The following CFAP46 variants were observed in gnomAD, a reference collection of about 807,000 sequenced individuals.
The protein encoded by CFAP46 is cilia and flagella associated protein 46, also known as cilia- and flagella-associated protein 46.
CFAP46 carries 245 observed loss-of-function variants against 325.7 expected under a neutral mutation model. That is an observed-to-expected ratio of 0.75 (90% CI 0.68 to 0.84). The LOEUF (loss-of-function observed/expected upper bound fraction) is 0.84. Ranked by LOEUF, CFAP46 falls within the 40% of genes least tolerant of loss-of-function variation. The pLI, the probability that CFAP46 is intolerant of heterozygous loss-of-function variation, is 0.00. For synonymous variants in CFAP46, 1,523 were observed against 1,495.9 expected (o/e 1.02, Z -0.42); for missense variants, 3,346 against 3,543.0 (o/e 0.94, Z 1.41).
At chr10:132,864,032 AGAGACCTGCACACACCTGTCCCCCTGCCT>A (rs1222572581) in intron 35 of CFAP46, among the ~76,000 whole-genome samples, 4 of 113,040 alleles carry the variant, frequency 3.5e-5, no homozygotes, top group African/African-American at 1.0e-4. Context: ...TCCTGCTATT[AGAGACCTGCACACACCTGTCCCCCTGCCT>A]GAGACCTGCA....
chr10:132,850,113 A>G (rs1167720282), intron 41 of CFAP46, 131 bp downstream of exon 41: 1 of 916,940 alleles, frequency 1.1e-6, no homozygotes, highest in Non-Finnish European at 1.7e-6. Flanking sequence ...CCTCACGCCT[A>G]CTTCCTACAT....
chr10:132,940,881 C>T, intron 4 of CFAP46, 115 bp downstream of exon 4: 2 of 1,032,656 alleles, frequency 1.9e-6, no homozygotes, highest in South Asian at 1.4e-5. Context: ...ATGAAAATCA[C>T]AGACCACAAA....
At chr10:132,881,113 C>A in intron 27 of CFAP46, 81 bp from the exon 28 acceptor site, 2 of 1,297,990 alleles carry the variant, frequency 1.5e-6, no homozygotes, top group South Asian at 2.7e-5. Context: ...TTTTATTGCT[C>A]ATTTTCTACA....
intron 29 of CFAP46, among the ~76,000 whole-genome samples, chr10:132,879,114 G>A (rs1239066689): frequency 1.3e-5 from 2 of 152,208 alleles, no homozygotes; most frequent in African/African-American, 4.8e-5. Flanking sequence ...TGCCAGGGCG[G>A]GTGTCAGGGA....
intron 3 of CFAP46, 33 bp downstream of exon 3, chr10:132,941,558 T>C: frequency 6.3e-7 from 1 of 1,595,480 alleles, no homozygotes; most frequent in South Asian, 1.1e-5. Context: ...AAAATTGAAC[T>C]GTTGGGGATA....
chr10:132,909,040 A>G, intron 21 of CFAP46, 97 bp downstream of exon 21: 1 of 832,734 alleles, frequency 1.2e-6, no homozygotes, highest in Non-Finnish European at 1.9e-6. Context: ...GGGGGTGAGC[A>G]TGCACGATGG....
intron 40 of CFAP46, 72 bp from the exon 41 acceptor site, chr10:132,850,504 A>AGCCC: frequency 1.4e-6 from 2 of 1,412,980 alleles, no homozygotes; most frequent in Non-Finnish European, 1.9e-6. Context: ...GGACCCAGTG[A>AGCCC]GCCCGCCCTC....
At chr10:132,942,343 T>G in intron 1 of CFAP46, 93 bp downstream of exon 1, 1 of 953,052 alleles carries the variant, frequency 1.0e-6, no homozygotes, top group Non-Finnish European at 1.4e-6. Flanking sequence ...TTGGGCGGGC[T>G]GGGATGAGAG....
intron 18 of CFAP46, 32 bp downstream of exon 18, chr10:132,913,014 C>T (rs909286296): frequency 8.4e-6 from 13 of 1,543,294 alleles, no homozygotes; most frequent in Non-Finnish European, 1.1e-5. Context: ...AGAAGCCCCT[C>T]CCTGCGTGAA....
intron 32 of CFAP46, among the ~76,000 whole-genome samples, chr10:132,870,852 G>A (rs941591622): frequency 1.3e-5 from 2 of 152,182 alleles, no homozygotes; most frequent in East Asian, 1.9e-4. Flanking sequence ...TGGTGGCTAC[G>A]CTAAACAACA....
chr10:132,941,894 G>A, intron 2 of CFAP46, 86 bp downstream of exon 2: 3 of 1,526,026 alleles, frequency 2.0e-6, no homozygotes, highest in Non-Finnish European at 2.6e-6. Context: ...CCTCTCCCCA[G>A]CCCCACTCTG....
chr10:132,886,058 A>T lies in CFAP46; in HGVS notation c.3305-99T>A. The T allele has an allele frequency of 6.9e-7, 1 of 1,447,474 alleles. No homozygotes were observed. Among genetic ancestry groups the T allele is most frequent in the Non-Finnish European group, 9.3e-7 (1 of 1,072,224 alleles). The allele number at this position is 1,447,474 out of a possible 1,614,324, so 89.7% of individuals were successfully genotyped here. On this transcript the variant is annotated intron_variant, in intron 25 of 57. Coordinates refer to ENST00000368586, the MANE Select transcript of CFAP46 (RefSeq NM_001200049.3). The surrounding 1 kb of genome is among the most constrained non-coding windows in gnomAD (Gnocchi z 5.8). ...TAAGCTGCCCATCACAGTGCCCCTG[A>T]GGTGGAACCGCGGCTACAGAGGTGC...
chr10:132,831,850 C>G (rs944624173), intron 50 of CFAP46, among the ~76,000 whole-genome samples: 1 of 151,678 alleles, frequency 6.6e-6, no homozygotes, highest in Non-Finnish European at 1.5e-5. Flanking sequence ...TTTATGATTC[C>G]ATTTCATCTT....
intron 35 of CFAP46, among the ~76,000 whole-genome samples, chr10:132,861,683 G>T (rs1848723012): frequency 6.6e-6 from 1 of 152,224 alleles, no homozygotes; most frequent in Non-Finnish European, 1.5e-5. Context: ...GGAGAGGACG[G>T]GAGCGGTGGC....
chr10:132,927,469 C>A (rs145139198), intron 9 of CFAP46, among the ~76,000 whole-genome samples: 1 of 152,136 alleles, frequency 6.6e-6, no homozygotes, highest in African/African-American at 2.4e-5. Flanking sequence ...CGCAGCACCT[C>A]GGGATGGCTG....
At chr10:132,892,177 G>A (rs1849262716) in intron 25 of CFAP46, among the ~76,000 whole-genome samples, 156 bp downstream of exon 25, 2 of 152,210 alleles carry the variant, frequency 1.3e-5, no homozygotes, top group Admixed American at 6.5e-5. Flanking sequence ...CAGGCGCCTG[G>A]CATGCATCAG....
chr10:132,852,378 A>AGACATTCTC, intron 39 of CFAP46, among the ~76,000 whole-genome samples: 1 of 103,078 alleles, frequency 9.7e-6, no homozygotes, highest in African/African-American at 3.6e-5. Flanking sequence ...CCATTTACTT[A>AGACATTCTC]AGAATTCTCA....
intron 57 of CFAP46, 132 bp downstream of exon 57, chr10:132,810,277 G>C (rs372834594): frequency 8.9e-6 from 7 of 784,768 alleles, no homozygotes; most frequent in South Asian, 7.5e-5. Context: ...CCTAGTTAAC[G>C]TCTGGAGTCC....
chr10:132,928,311 C>A (rs1266755166), intron 9 of CFAP46, among the ~76,000 whole-genome samples: 1 of 152,142 alleles, frequency 6.6e-6, no homozygotes, highest in Non-Finnish European at 1.5e-5. Flanking sequence ...GGACACCGTG[C>A]CGTGAAAACC....
Sources: allele counts gnomAD v4.1 joint callset (sites outside exome capture counted in the v4.1 genomes callset), GRCh38; gene constraint gnomAD v4.1.1; non-coding constraint Gnocchi (gnomAD v3.1); transcripts MANE v1.5; gene names NCBI Gene and HGNC (gene_info 2026-07-23, HGNC 2026-07-21).